The following ANKHD1 variants were observed in gnomAD, a reference collection of about 807,000 sequenced individuals.
The protein encoded by ANKHD1 is ankyrin repeat and KH domain containing 1, also known as ankyrin repeat and KH domain-containing protein 1.
In ANKHD1, 31 loss-of-function variants were observed where a neutral mutation model predicts 230.5. The observed-to-expected ratio is 0.13, with a 90% CI of 0.10 to 0.18. The LOEUF (loss-of-function observed/expected upper bound fraction) is 0.18, where lower values mean the gene tolerates loss of function less well. Ranked by LOEUF, ANKHD1 falls within the 10% of genes least tolerant of loss-of-function variation. The probability of loss-of-function intolerance (pLI) is 1.00; values close to 1 mark genes in which losing one functional copy is unlikely to be tolerated. For missense variants in ANKHD1, 2,256 were observed against 3,071.3 expected (o/e 0.73, Z 6.27); for synonymous variants, 1,074 against 1,117.6 (o/e 0.96, Z 0.78).
chr5:140,417,643 C>T (rs1319487868), intron 1 of ANKHD1, among the ~76,000 whole-genome samples: 3 of 151,624 alleles, frequency 2.0e-5, no homozygotes, highest in Admixed American at 6.6e-5. Context: ...TAGAGATGGG[C>T]TTTGCCATGT....
At chr5:140,521,901 C>A (rs896103871) in intron 24 of ANKHD1, among the ~76,000 whole-genome samples, 2 of 152,336 alleles carry the variant, frequency 1.3e-5, no homozygotes, top group South Asian at 2.1e-4. Context: ...ATTGCAGGAA[C>A]CCGACAGGCA....
intron 8 of ANKHD1, 134 bp downstream of exon 8, chr5:140,458,996 G>GTATATATA (rs1775489101): frequency 1.4e-4 from 2 of 14,356 alleles, no homozygotes; most frequent in African/African-American, 5.7e-4. Flanking sequence ...ATATATATAT[G>GTATATATA]CATATATATA....
At chr5:140,450,612 T>A (rs1774655332) in intron 7 of ANKHD1, among the ~76,000 whole-genome samples, 1 of 152,050 alleles carries the variant, frequency 6.6e-6, no homozygotes, top group Non-Finnish European at 1.5e-5. Flanking sequence ...CTGTCATGGC[T>A]CATTACAGCC....
intron 1 of ANKHD1, among the ~76,000 whole-genome samples, chr5:140,431,172 A>C (rs1773016387): frequency 6.6e-6 from 1 of 152,214 alleles, no homozygotes; most frequent in African/African-American, 2.4e-5. Context: ...CAAAGGAAAC[A>C]GTAGTGCTTT....
chr5:140,477,943 G>A (rs1293830698), intron 10 of ANKHD1, among the ~76,000 whole-genome samples: 1 of 152,120 alleles, frequency 6.6e-6, no homozygotes, highest in Non-Finnish European at 1.5e-5. Context: ...ATGGGGTTAA[G>A]AGGCAATACA....
In ANKHD1 at chr5:140,479,758, C is replaced by G. The variant is rs892706066; in HGVS notation, c.1783-2822C>G. ...TATATATATATACTTATATATATAC[C>G]TATGTATGTATATGCGTATATATGT... On this transcript the variant is annotated intron_variant, in intron 10 of 33. Transcript: ENST00000360839. Among the ~76,000 whole-genome samples the G allele has an allele frequency of 9.6e-5, 14 of 145,288 alleles. No homozygotes were observed. In the Admixed American group the frequency reaches 9.7e-4, roughly 10 times the overall value.
intron 10 of ANKHD1, among the ~76,000 whole-genome samples, chr5:140,473,701 T>C (rs1750792185): frequency 6.6e-6 from 1 of 152,194 alleles, no homozygotes; most frequent in Non-Finnish European, 1.5e-5. Context: ...TTTTACAAAA[T>C]GTGATGTGAA....
intron 7 of ANKHD1, among the ~76,000 whole-genome samples, chr5:140,454,859 G>C (rs376113432): frequency 6.6e-6 from 1 of 151,988 alleles, no homozygotes; most frequent in Non-Finnish European, 1.5e-5. Flanking sequence ...AAATAACTAA[G>C]ATCAGAGCAG....
chr5:140,415,999 C>T (rs909237022), intron 1 of ANKHD1, among the ~76,000 whole-genome samples: 1 of 152,210 alleles, frequency 6.6e-6, no homozygotes, highest in East Asian at 1.9e-4. Flanking sequence ...CAAGTGTTCT[C>T]ATTGTTCAAT....
chr5:140,495,614 A>C (rs1751999284), intron 14 of ANKHD1, among the ~76,000 whole-genome samples: 1 of 152,114 alleles, frequency 6.6e-6, no homozygotes, highest in Non-Finnish European at 1.5e-5. Flanking sequence ...CAAAAAATTT[A>C]TGTCCTTCAT....
At chr5:140,534,229 A>G (rs191608694) in intron 29 of ANKHD1, among the ~76,000 whole-genome samples, 41 of 152,220 alleles carry the variant, frequency 2.7e-4, no homozygotes, top group African/African-American at 9.1e-4. Flanking sequence ...CGTTTCTACT[A>G]AAAATACAAA....
chr5:140,458,209 A>C (rs921971372), intron 7 of ANKHD1, among the ~76,000 whole-genome samples: 2 of 152,192 alleles, frequency 1.3e-5, no homozygotes, highest in Non-Finnish European at 2.9e-5. Flanking sequence ...CGGTTTCTAC[A>C]TTTGAATATG....
chr5:140,496,055 A>G (rs927640670), intron 14 of ANKHD1, among the ~76,000 whole-genome samples: 5 of 152,200 alleles, frequency 3.3e-5, no homozygotes, highest in African/African-American at 4.8e-5. Context: ...TTAACTCTGC[A>G]TTGCTTGCAG....
In ANKHD1 at chr5:140,485,813, C is replaced by T; in HGVS notation, c.2142+81C>T. On this transcript the variant is annotated intron_variant, in intron 13 of 33. Coordinates refer to ENST00000360839, the MANE Select transcript of ANKHD1 (RefSeq NM_017747.3). This position sits in a 1 kb window ranked among gnomAD's most constrained non-coding sequence, Gnocchi z 4.8. The stretch of plus-strand genomic sequence containing the variant: ...GTTTTTGTTTAAAATCAGTTTTAAG[C>T]AAAATGGACTTGTTTTTATTCTCTG... 1 of 1,557,174 alleles carries T rather than the reference C, an allele frequency of 6.4e-7. No individual in the cohort carries two copies. Among genetic ancestry groups the T allele is most frequent in the Non-Finnish European group, 8.7e-7 (1 of 1,153,400 alleles).
At chr5:140,441,846 A>G (rs1773872584) in intron 5 of ANKHD1, among the ~76,000 whole-genome samples, 1 of 151,980 alleles carries the variant, frequency 6.6e-6, no homozygotes, top group Non-Finnish European at 1.5e-5. Context: ...TTTACTATAT[A>G]TGTATCTTAT....
intron 8 of ANKHD1, 81 bp from the exon 9 acceptor site, chr5:140,459,083 A>T: frequency 7.9e-7 from 1 of 1,264,568 alleles, no homozygotes; most frequent in Non-Finnish European, 1.0e-6. Flanking sequence ...GAAGACAGAG[A>T]TGATTATCAC....
chr5:140,491,650 G>A (rs147801228), intron 14 of ANKHD1, among the ~76,000 whole-genome samples: 160 of 152,094 alleles, frequency 1.1e-3, no homozygotes, highest in African/African-American at 3.7e-3. Flanking sequence ...TCCCAGTGAC[G>A]AATATCCTGA....
chr5:140,425,088 A>G (rs1772296096), intron 1 of ANKHD1, among the ~76,000 whole-genome samples: 1 of 152,200 alleles, frequency 6.6e-6, no homozygotes, highest in Non-Finnish European at 1.5e-5. Flanking sequence ...GGACTTCAAA[A>G]GATAATAGAT....
chr5:140,488,421 C>A (rs146341383), intron 14 of ANKHD1, among the ~76,000 whole-genome samples: 1 of 151,636 alleles, frequency 6.6e-6, no homozygotes, highest in Non-Finnish European at 1.5e-5. Context: ...CCCATCTCTA[C>A]GAAAAATACA....
Sources: gnomAD v4.1 joint callset for allele counts (sites outside exome capture counted in the v4.1 genomes callset) on GRCh38, gnomAD v4.1.1 for gene constraint, Gnocchi (gnomAD v3.1) non-coding constraint, MANE v1.5 for transcripts, NCBI Gene and HGNC (gene_info 2026-07-23, HGNC 2026-07-21) for gene names.